Variants in COL4A5 observed in about 807,000 individuals in gnomAD.
COL4A5 encodes collagen type IV alpha 5 chain.
Under a neutral mutation model 130.2 loss-of-function variants are expected in COL4A5, and 26 were observed. The observed-to-expected ratio is 0.20, with a 90% CI of 0.15 to 0.28. The LOEUF (loss-of-function observed/expected upper bound fraction) is 0.28, where lower values mean the gene tolerates loss of function less well. Ranked by LOEUF, COL4A5 falls within the 10% of genes least tolerant of loss-of-function variation. The pLI is 1.00. For missense variants in COL4A5, 1,131 were observed against 1,344.3 expected (o/e 0.84, Z 2.48); for synonymous variants, 496 against 439.6 (o/e 1.13, Z -1.60).
At chrX:108,517,508 A>T (rs1349621366) in intron 1 of COL4A5, among the ~76,000 whole-genome samples, 1 of 111,329 alleles carries the variant, frequency 9.0e-6, no homozygotes, top group Admixed American at 9.6e-5. Context: ...TGTATTGGGG[A>T]AATGTCTTAA....
At chrX:108,455,100 C>A (rs937139469) in intron 1 of COL4A5, among the ~76,000 whole-genome samples, 1 of 111,783 alleles carries the variant, frequency 8.9e-6, no homozygotes, top group African/African-American at 3.3e-5. Flanking sequence ...CCTTCCTACC[C>A]CCATCCTCCA....
intron 1 of COL4A5, among the ~76,000 whole-genome samples, chrX:108,482,716 A>C (rs936926681): frequency 6.3e-5 from 7 of 111,171 alleles, no homozygotes; most frequent in African/African-American, 2.3e-4. Context: ...GTTTTTCCAC[A>C]ATTTTAGCTC....
chrX:108,628,700 T>C (rs1056317971), intron 36 of COL4A5, among the ~76,000 whole-genome samples: 9 of 112,090 alleles, frequency 8.0e-5, no homozygotes, highest in African/African-American at 2.9e-4. Context: ...GTCAGTTGTT[T>C]GTCTTATAGC....
chrX:108,527,601 C>T (rs1260822946), intron 1 of COL4A5, among the ~76,000 whole-genome samples: 1 of 111,952 alleles, frequency 8.9e-6, no homozygotes, highest in Non-Finnish European at 1.9e-5. Flanking sequence ...CTGCTACCAC[C>T]CCTCACCTGA....
chrX:108,540,287 T>A (rs1463800074), intron 2 of COL4A5, among the ~76,000 whole-genome samples: 1 of 111,140 alleles, frequency 9.0e-6, no homozygotes, highest in Non-Finnish European at 1.9e-5. Flanking sequence ...AAACTCTGAT[T>A]GGTCTTGTTG....
chrX:108,502,632 A>T (rs1325186062), intron 1 of COL4A5, among the ~76,000 whole-genome samples: 1 of 111,879 alleles, frequency 8.9e-6, no homozygotes, highest in Non-Finnish European at 1.9e-5. Flanking sequence ...GAAATTTAAA[A>T]CATTTTTTTT....
chrX:108,695,512 T>C (rs2068719425), intron 52 of COL4A5, 73 bp downstream of exon 52: 2 of 1,016,624 alleles, frequency 2.0e-6, no homozygotes, highest in Non-Finnish European at 2.8e-6. Flanking sequence ...AGACAATTTA[T>C]GGATGGTTTA....
intron 1 of COL4A5, among the ~76,000 whole-genome samples, chrX:108,538,346 G>A (rs1441541577): frequency 1.3e-4 from 15 of 111,884 alleles, no homozygotes; most frequent in Non-Finnish European, 2.1e-4. Flanking sequence ...AAATAATAGC[G>A]GCATAGCAGA....
At chrX:108,464,086 G>A (rs1267728581) in intron 1 of COL4A5, among the ~76,000 whole-genome samples, 1 of 111,381 alleles carries the variant, frequency 9.0e-6, no homozygotes, top group East Asian at 2.8e-4. Flanking sequence ...CTTAATGCCT[G>A]GCGTAGAGTA....
chrX:108,451,404 C>A (rs1237806426), intron 1 of COL4A5, among the ~76,000 whole-genome samples: 2 of 111,704 alleles, frequency 1.8e-5, no homozygotes, highest in African/African-American at 6.5e-5. Flanking sequence ...GTTCTAGAAC[C>A]CTGAGGAATC....
chrX:108,535,272 A>G (rs917200515), intron 1 of COL4A5, among the ~76,000 whole-genome samples: 16 of 111,247 alleles, frequency 1.4e-4, no homozygotes, highest in Admixed American at 3.8e-4. Flanking sequence ...TATATTTTTT[A>G]TCTGATAATT....
chrX:108,645,606 C>A (rs760590147), intron 36 of COL4A5, among the ~76,000 whole-genome samples: 1 of 107,521 alleles, frequency 9.3e-6, no homozygotes, highest in East Asian at 2.9e-4. Flanking sequence ...ATACTTTAAG[C>A]TTTAGGGTAC....
chrX:108,511,023 A>G (rs1017042470), intron 1 of COL4A5, among the ~76,000 whole-genome samples: 3 of 111,302 alleles, frequency 2.7e-5, no homozygotes, highest in Admixed American at 9.6e-5. Context: ...GAAACTATAT[A>G]TTATTGTTCA....
At chrX:108,600,055 A>G (rs767903478) in intron 25 of COL4A5, among the ~76,000 whole-genome samples, 9 of 112,195 alleles carry the variant, frequency 8.0e-5, no homozygotes, top group African/African-American at 1.3e-4. Flanking sequence ...ACTTTTGCCA[A>G]TCTGTTGAGT....
In COL4A5 at chrX:108,696,601, AGTGAAT is replaced by A. The variant is rs1260591436; in HGVS notation, c.*224_*229del. 1.7e-4 allele frequency: 47 copies of A among 273,115 alleles called. No individual in the cohort carries two copies. Among genetic ancestry groups the A allele is most frequent in the Middle Eastern group, 1.1e-3 (1 of 938 alleles). The allele number at this position is 273,115 out of a possible 1,213,427, so 22.5% of individuals were successfully genotyped here. On this transcript the variant is annotated 3_prime_UTR_variant, in exon 53 of 53. Coordinates refer to ENST00000328300, the MANE Select transcript of COL4A5 (RefSeq NM_033380.3). ...TATTTTTCTACTAAAGAAATAAGGA[AGTGAAT>A]TTACTTTTTGGGTCCAGAATGACTT...
chrX:108,467,552 A>T (rs1034187787), intron 1 of COL4A5, among the ~76,000 whole-genome samples: 4 of 111,877 alleles, frequency 3.6e-5, no homozygotes, highest in African/African-American at 1.3e-4. Flanking sequence ...AGGCTGTTCA[A>T]TAGGGATTTC....
intron 1 of COL4A5, among the ~76,000 whole-genome samples, chrX:108,535,982 G>T (rs1410148716): frequency 9.0e-6 from 1 of 110,774 alleles, no homozygotes; most frequent in Non-Finnish European, 1.9e-5. Context: ...ATTACTTAGA[G>T]ATGTTTATTA....
chrX:108,636,537 C>G (rs1396492274), intron 36 of COL4A5, among the ~76,000 whole-genome samples: 2 of 110,125 alleles, frequency 1.8e-5, no homozygotes, highest in African/African-American at 6.6e-5. Context: ...AAAATATTTG[C>G]AAATCATATA....
intron 1 of COL4A5, among the ~76,000 whole-genome samples, chrX:108,466,810 C>A (rs1304099259): frequency 9.1e-6 from 1 of 109,839 alleles, no homozygotes; most frequent in Non-Finnish European, 1.9e-5. Flanking sequence ...TGCTATGTTG[C>A]CCAGGTTGGT....
Sources: gnomAD v4.1 joint callset for allele counts (sites outside exome capture counted in the v4.1 genomes callset) on GRCh38, gnomAD v4.1.1 for gene constraint, MANE v1.5 for transcripts, NCBI Gene and HGNC (gene_info 2026-07-23, HGNC 2026-07-21) for gene names.